The following POLR2B variants were observed in gnomAD, a reference collection of about 807,000 sequenced individuals.
POLR2B encodes RNA polymerase II subunit B.
A neutral mutation model predicts 144.6 loss-of-function variants in POLR2B; 57 were observed. The ratio of observed to expected loss-of-function variants is 0.39; its 90% CI spans 0.32 to 0.49. The LOEUF (loss-of-function observed/expected upper bound fraction) is 0.49, where lower values mean the gene tolerates loss of function less well. POLR2B is among the 20% of genes least tolerant of loss of function. The pLI is 0.83. For synonymous variants in POLR2B, 442 were observed against 469.8 expected, an observed-to-expected ratio of 0.94 and a Z score of 0.77; for missense variants, 595 against 1,467.4, an observed-to-expected ratio of 0.41 and a Z score of 9.71.
At position 57,011,028 on chromosome 4, in the gene POLR2B, A is replaced by G. The variant is rs1723172577; in HGVS notation, c.1728A>G (p.Ile576Met). ...KIFVNGCWVG[I>M]HKDPEQLMNT... ...TTGTTAATGGCTGCTGGGTTGGAATACATAAAGATCCCGAACAACTTATGA... is the reference window on the plus strand; with the variant it reads ...TTGTTAATGGCTGCTGGGTTGGAATGCATAAAGATCCCGAACAACTTATGA... Residue 576 changes from isoleucine (I) to methionine (M), a missense_variant, in exon 13 of 25, where the codon ATA (isoleucine) becomes ATG (methionine). Coordinates refer to ENST00000314595, the MANE Select transcript of POLR2B (RefSeq NM_000938.3). 3.1e-6 allele frequency: 5 copies of G among 1,614,044 alleles called. No individual in the cohort carries two copies. The highest frequency in any genetic ancestry group is 4.2e-6 in the Non-Finnish European group (5 of 1,179,996).
intron 1 of POLR2B, among the ~76,000 whole-genome samples, chr4:56,979,852 T>C (rs1197378475): frequency 4.7e-5 from 7 of 148,230 alleles, no homozygotes; most frequent in Admixed American, 1.4e-4. Flanking sequence ...TGAGCTGAGA[T>C]CGCACCACTA....
chr4:56,986,074 T>C (rs780572924), intron 1 of POLR2B, among the ~76,000 whole-genome samples: 21 of 152,256 alleles, frequency 1.4e-4, no homozygotes, highest in Non-Finnish European at 2.8e-4. Context: ...TCTCTGACTC[T>C]AGTGTCTGAA....
chr4:56,995,431 A>G, intron 6 of POLR2B, 22 bp downstream of exon 6: 7 of 1,545,148 alleles, frequency 4.5e-6, no homozygotes, highest in Non-Finnish European at 6.2e-6. Context: ...ATATGATGCT[A>G]TTTGGGTTTA....
At chr4:56,992,146 G>A (rs936138153) in intron 3 of POLR2B, among the ~76,000 whole-genome samples, 2 of 152,092 alleles carry the variant, frequency 1.3e-5, no homozygotes, top group African/African-American at 4.8e-5. Flanking sequence ...GAAGAGAAAA[G>A]GTGCTTAGTC....
intron 17 of POLR2B, among the ~76,000 whole-genome samples, chr4:57,021,441 A>G (rs375316785): frequency 1.3e-5 from 2 of 151,414 alleles, no homozygotes; most frequent in East Asian, 1.9e-4. Flanking sequence ...TTCAAAGGGT[A>G]GCACTAGAAC....
In POLR2B at chr4:57,024,745, C is replaced by G. The variant is rs1723660826; in HGVS notation, c.2965-141C>G. The G allele has an allele frequency of 8.8e-6, 5 of 568,768 alleles. No individual in the cohort carries two copies. In the Admixed American group the frequency reaches 1.8e-4, roughly 20 times the overall value. 35.2% of individuals were successfully genotyped at this position (568,768 alleles called of 1,614,324 possible). On this transcript the variant is annotated intron_variant, in intron 21 of 24. Coordinates refer to ENST00000314595, the MANE Select transcript of POLR2B (RefSeq NM_000938.3). ...ATAACATAGATTTTGAGTTCAAAATCTTTGAATTTTAAAATACTTAAAATA... is the reference window on the plus strand; with the variant it reads ...ATAACATAGATTTTGAGTTCAAAATGTTTGAATTTTAAAATACTTAAAATA...
intron 23 of POLR2B, among the ~76,000 whole-genome samples, chr4:57,029,069 T>C (rs982547491): frequency 5.9e-5 from 9 of 152,288 alleles, no homozygotes; most frequent in Middle Eastern, 3.4e-3. Context: ...GCATTGCTGT[T>C]TTTTGTTTGT....
intron 2 of POLR2B, chr4:56,986,776 A>G (rs1372840807): frequency 6.0e-6 from 1 of 165,508 alleles, no homozygotes; most frequent in Non-Finnish European, 1.3e-5. Context: ...TCTTGGTGAT[A>G]GAGTGAGACC....
intron 23 of POLR2B, among the ~76,000 whole-genome samples, chr4:57,025,751 C>T (rs1171370535): frequency 6.6e-6 from 1 of 152,082 alleles, no homozygotes; most frequent in East Asian, 1.9e-4. Flanking sequence ...CTCACTCTGT[C>T]ACCCAGGCTG....
intron 13 of POLR2B, among the ~76,000 whole-genome samples, chr4:57,013,503 C>G (rs1302952429): frequency 6.6e-6 from 1 of 152,058 alleles, no homozygotes; most frequent in African/African-American, 2.4e-5. Flanking sequence ...CTTGGCTTCC[C>G]AAAGTGTTGG....
chr4:57,012,827 G>GC (rs1723236778), intron 13 of POLR2B, among the ~76,000 whole-genome samples: 1 of 151,936 alleles, frequency 6.6e-6, no homozygotes, highest in African/African-American at 2.4e-5. Context: ...ACCATGCCCG[G>GC]CTAATTTTTG....
At chr4:56,985,439 C>A in intron 1 of POLR2B, 1 of 985,190 alleles carries the variant, frequency 1.0e-6, no homozygotes, top group Middle Eastern at 5.2e-4. Context: ...CCCCGTGGGG[C>A]GGCCCCGACT....
intron 23 of POLR2B, among the ~76,000 whole-genome samples, chr4:57,029,084 T>TTGTTTTTTGTTTTTTG (rs1327528548): frequency 1.3e-5 from 2 of 152,196 alleles, no homozygotes; most frequent in African/African-American, 2.4e-5. Flanking sequence ...GTTTGTTTGT[T>TTGTTTTTTGTTTTTTG]TGTTTTTTGT....
chr4:56,987,310 A>G (rs1722363469), intron 2 of POLR2B, among the ~76,000 whole-genome samples: 1 of 152,208 alleles, frequency 6.6e-6, no homozygotes, highest in African/African-American at 2.4e-5. Flanking sequence ...ACTAAATGTA[A>G]TAAAATTACG....
At position 57,029,265 on chromosome 4, in the gene POLR2B, A is replaced by AT. The variant is rs1723830979; in HGVS notation, c.3240-933dup. On this transcript the variant is annotated intron_variant, in intron 23 of 24. Coordinates refer to ENST00000314595, the MANE Select transcript of POLR2B (RefSeq NM_000938.3). Reference sequence around the variant, plus strand: ...GGCGATTTCCAACTGATACCATTCTATTTTTTCTCAGTCCTTCTTCAGTTT... The same window carrying AT: ...GGCGATTTCCAACTGATACCATTCTATTTTTTTCTCAGTCCTTCTTCAGTTT... 2.0e-5 allele frequency among the ~76,000 whole-genome samples: 3 copies of AT among 151,902 alleles called. No individual in the cohort carries two copies. The South Asian group carries it at 6.2e-4, about 32-fold the overall frequency.
intron 6 of POLR2B, among the ~76,000 whole-genome samples, chr4:56,997,019 A>G (rs1404076602): frequency 6.6e-6 from 1 of 152,152 alleles, no homozygotes; most frequent in Non-Finnish European, 1.5e-5. Context: ...AGATGGCTTG[A>G]GTGCTGAGGT....
intron 10 of POLR2B, among the ~76,000 whole-genome samples, chr4:57,007,329 C>T (rs188605897): frequency 4.0e-4 from 61 of 152,144 alleles, no homozygotes; most frequent in Non-Finnish European, 6.5e-4. Flanking sequence ...GCAGGAGAAT[C>T]GCTTGTACCT....
chr4:56,984,680 A>G (rs3796531), intron 1 of POLR2B, among the ~76,000 whole-genome samples: 70,358 of 151,886 alleles, frequency 0.46, 16,482 homozygotes, highest in Non-Finnish European at 0.49. Flanking sequence ...GTAGGGATTA[A>G]TAATTCCAGT....
chr4:57,005,492 T>C, intron 8 of POLR2B, 50 bp downstream of exon 8: 1 of 1,495,252 alleles, frequency 6.7e-7, no homozygotes, highest in Non-Finnish European at 9.0e-7. Context: ...ACAGTTGAGA[T>C]AAAGGTTTTT....
Sources: gnomAD v4.1 joint callset for allele counts (sites outside exome capture counted in the v4.1 genomes callset) on GRCh38, gnomAD v4.1.1 for gene constraint, MANE v1.5 for transcripts, NCBI Gene and HGNC (gene_info 2026-07-23, HGNC 2026-07-21) for gene names.